Variants in VWA8 observed in about 807,000 individuals in gnomAD.
VWA8 encodes the protein von Willebrand factor A domain-containing protein 8.
A neutral mutation model predicts 241.5 loss-of-function variants in VWA8; 221 were observed. That is an observed-to-expected ratio of 0.91 (90% confidence interval 0.82 to 1.02). The LOEUF (loss-of-function observed/expected upper bound fraction) is 1.02. Ranked by LOEUF, VWA8 falls within the 50% of genes least tolerant of loss-of-function variation. VWA8 has a pLI of 0.00. For synonymous variants in VWA8, 852 were observed against 827.1 expected (o/e 1.03, Z -0.52); for missense variants, 2,322 against 2,328.7 (o/e 1.00, Z 0.06).
chr13:41,944,742 T>G (rs8002221), intron 2 of VWA8, among the ~76,000 whole-genome samples: 36,412 of 152,126 alleles, frequency 0.24, 5,178 homozygotes, highest in Non-Finnish European at 0.31. Flanking sequence ...GGCAGCTCCC[T>G]GAAATGCTCC....
chr13:41,892,653 T>A (rs917765959), intron 4 of VWA8, among the ~76,000 whole-genome samples: 1 of 152,194 alleles, frequency 6.6e-6, no homozygotes, highest in Non-Finnish European at 1.5e-5. Context: ...CCCTCATTAG[T>A]ACCTCATATG....
At chr13:41,664,666 A>G (rs754327562) in intron 37 of VWA8, among the ~76,000 whole-genome samples, 1 of 152,014 alleles carries the variant, frequency 6.6e-6, no homozygotes, top group Non-Finnish European at 1.5e-5. Context: ...CAGACTTTCG[A>G]CTAATCTTCC....
In VWA8 at chr13:41,686,549, C is replaced by T. The variant is rs184935794; in HGVS notation, c.4132-1307G>A. ...ACCTTTAATTTTACTTCTATATCTA[C>T]CTAAATACATTGAAATCTATGAGTT... On this transcript the variant is annotated intron_variant, in intron 34 of 44. Transcript: ENST00000379310. 7.6e-3 allele frequency among the ~76,000 whole-genome samples: 1,147 copies of T among 151,802 alleles called. 10 individuals are homozygous for T. Among genetic ancestry groups the T allele is most frequent in the South Asian group, 0.036 (175 of 4,810 alleles).
At chr13:41,739,209 T>C (rs1017452480) in intron 21 of VWA8, among the ~76,000 whole-genome samples, 28 of 152,154 alleles carry the variant, frequency 1.8e-4, no homozygotes, top group African/African-American at 6.3e-4. Flanking sequence ...TAATGTACCA[T>C]CTTTAGTACA....
intron 9 of VWA8, among the ~76,000 whole-genome samples, chr13:41,868,887 CAAAAAAAAAAAAA>C: frequency 1.3e-5 from 1 of 75,904 alleles, no homozygotes; most frequent in African/African-American, 5.6e-5. Flanking sequence ...GACTCCGTCT[CAAAAAAAAAAAAA>C]AAAAAAGGAA....
At chr13:41,674,322 G>A (rs1351336015) in intron 36 of VWA8, among the ~76,000 whole-genome samples, 1 of 152,144 alleles carries the variant, frequency 6.6e-6, no homozygotes, top group Non-Finnish European at 1.5e-5. Context: ...GTTGTCCCTG[G>A]TCTTCCTCTG....
intron 39 of VWA8, among the ~76,000 whole-genome samples, chr13:41,609,265 C>G (rs1252780768): frequency 6.6e-6 from 1 of 152,076 alleles, no homozygotes; most frequent in Non-Finnish European, 1.5e-5. Flanking sequence ...ATAAAAGCAT[C>G]AATGGTGGGA....
chr13:41,571,347 G>GACTCCCTCTCCCGTCTCCC (rs2044302520), intron 43 of VWA8, among the ~76,000 whole-genome samples: 1 of 104,510 alleles, frequency 9.6e-6, no homozygotes, highest in Non-Finnish European at 2.0e-5. Context: ...TCCCTCTCCC[G>GACTCCCTCTCCCGTCTCCC]TCTCCCTCTC....
At chr13:41,779,792 T>C (rs1868801772) in intron 19 of VWA8, among the ~76,000 whole-genome samples, 1 of 152,190 alleles carries the variant, frequency 6.6e-6, no homozygotes, top group Non-Finnish European at 1.5e-5. Flanking sequence ...AATGTAAATA[T>C]CGAAAAATAA....
chr13:41,865,745 C>T lies in VWA8; in HGVS notation c.1416G>A (p.Met472Ile). 6.2e-7 allele frequency: 1 copy of T among 1,613,776 alleles called. No homozygotes were observed. Among genetic ancestry groups the T allele is most frequent in the Non-Finnish European group, 8.5e-7 (1 of 1,180,016 alleles). Residue 472 changes from methionine to isoleucine, a missense_variant, in exon 12 of 45, where the codon ATG becomes ATA. By Grantham distance (10) the Met-to-Ile change is conservative (BLOSUM62 1). Coordinates refer to ENST00000379310, the MANE Select transcript of VWA8 (RefSeq NM_015058.2). ...AAAATGAACACTGTACCTGATAGAG[C>T]ATAATAGGTTCTATGTTGTATCCTA... ...DTLGYNIEPI[M>I]LYQDMTARDL...
At chr13:41,894,139 A>G (rs770023851) in intron 4 of VWA8, among the ~76,000 whole-genome samples, 5 of 152,252 alleles carry the variant, frequency 3.3e-5, no homozygotes, top group Non-Finnish European at 7.3e-5. Flanking sequence ...AGAAATATAC[A>G]GATCAAAATG....
At chr13:41,920,530 A>T (rs1876470663) in intron 2 of VWA8, among the ~76,000 whole-genome samples, 1 of 152,222 alleles carries the variant, frequency 6.6e-6, no homozygotes, top group South Asian at 2.1e-4. Flanking sequence ...AATAAAATTG[A>T]TAGACCGCTA....
chr13:41,741,638 T>G (rs2045570383), intron 21 of VWA8, among the ~76,000 whole-genome samples: 1 of 152,018 alleles, frequency 6.6e-6, no homozygotes, highest in African/African-American at 2.4e-5. Flanking sequence ...CCTTCAACAT[T>G]GTAGGCATGC....
chr13:41,609,926 C>T (rs1238814210), intron 39 of VWA8, among the ~76,000 whole-genome samples: 2 of 152,260 alleles, frequency 1.3e-5, no homozygotes, highest in Non-Finnish European at 2.9e-5. Flanking sequence ...GCACAGATGC[C>T]CCTTACTTCT....
At chr13:41,842,647 A>G (rs144728362) in intron 12 of VWA8, among the ~76,000 whole-genome samples, 1 of 152,254 alleles carries the variant, frequency 6.6e-6, no homozygotes, top group African/African-American at 2.4e-5. Flanking sequence ...ACTAAAGGAC[A>G]TCTTAATAAA....
chr13:41,629,435 G>C (rs1049171171), intron 37 of VWA8, among the ~76,000 whole-genome samples: 2 of 152,148 alleles, frequency 1.3e-5, no homozygotes, highest in Non-Finnish European at 2.9e-5. Flanking sequence ...CAGTTTTTCA[G>C]CTTTATATTC....
intron 26 of VWA8, among the ~76,000 whole-genome samples, chr13:41,718,546 T>C (rs2137845123): frequency 1.3e-5 from 2 of 151,930 alleles, no homozygotes; most frequent in East Asian, 3.8e-4. Context: ...GATAAGTCCA[T>C]CTTATTCTTT....
chr13:41,568,766 TTC>T (rs963682927), intron 44 of VWA8, among the ~76,000 whole-genome samples: 8 of 152,200 alleles, frequency 5.3e-5, no homozygotes, highest in Non-Finnish European at 1.2e-4. Context: ...GAGTGGTTCT[TTC>T]TCTCTTTCTT....
chr13:41,825,316 C>G (rs1163273472), intron 14 of VWA8, among the ~76,000 whole-genome samples: 1 of 152,190 alleles, frequency 6.6e-6, no homozygotes, highest in Non-Finnish European at 1.5e-5. Context: ...ATAGGATCAT[C>G]TGGGTACTAT....
Sources: allele counts gnomAD v4.1 joint callset (sites outside exome capture counted in the v4.1 genomes callset), GRCh38; gene constraint gnomAD v4.1.1; transcripts MANE v1.5; gene names NCBI Gene and HGNC (gene_info 2026-07-23, HGNC 2026-07-21).